AGPS: variants seen among roughly 807,000 people sequenced by gnomAD.
AGPS encodes the protein alkyldihydroxyacetonephosphate synthase, peroxisomal.
In AGPS, 26 loss-of-function variants were observed where a neutral mutation model predicts 90.7. The observed-to-expected ratio is 0.29, with a 90% CI of 0.21 to 0.40. The LOEUF (loss-of-function observed/expected upper bound fraction) is 0.40. Among genes scored for constraint, AGPS ranks in the 10% least tolerant of loss-of-function variants. AGPS has a pLI of 1.00. For synonymous variants in AGPS, 294 were observed against 285.3 expected, an observed-to-expected ratio of 1.03 and a Z score of -0.31; for missense variants, 540 against 816.1, an observed-to-expected ratio of 0.66 and a Z score of 4.12.
chr2:177,415,898 G>A (rs1281257336), intron 1 of AGPS, among the ~76,000 whole-genome samples: 2 of 152,068 alleles, frequency 1.3e-5, no homozygotes, highest in African/African-American at 2.4e-5. Flanking sequence ...ATCAGGGCAA[G>A]AGGAAATATT....
intron 10 of AGPS, among the ~76,000 whole-genome samples, chr2:177,469,339 G>C (rs1687544010): frequency 6.6e-6 from 1 of 152,120 alleles, no homozygotes; most frequent in South Asian, 2.1e-4. Flanking sequence ...ATGAATAAAA[G>C]AGCAGGTACA....
At chr2:177,471,811 T>C (rs1687631938) in intron 10 of AGPS, among the ~76,000 whole-genome samples, 2 of 152,190 alleles carry the variant, frequency 1.3e-5, no homozygotes, top group Non-Finnish European at 2.9e-5. Context: ...TGAGTGAATA[T>C]ACCTTTTGGT....
At chr2:177,475,022 T>A (rs1381199074) in intron 10 of AGPS, among the ~76,000 whole-genome samples, 7 of 152,236 alleles carry the variant, frequency 4.6e-5, no homozygotes. Context: ...AATTTCAATC[T>A]TGTGAGTTTT....
At position 177,465,731 on chromosome 2, in the gene AGPS, GCCAGGGACTGCAGAGCC is replaced by G. The variant is rs1456550724; in HGVS notation, c.997-2681_997-2665del. On this transcript the variant is annotated intron_variant, in intron 9 of 19. Transcript: ENST00000264167. Reference sequence around the variant, plus strand: ...TGGTGGTGCCTGGAAGCTTGGAGACGCCAGGGACTGCAGAGCCCCAAAGAGTGAGCCATAGCCCTGGC... The same window carrying G: ...TGGTGGTGCCTGGAAGCTTGGAGACGCCAAAGAGTGAGCCATAGCCCTGGC... Among the ~76,000 whole-genome samples the G allele has an allele frequency of 2.6e-5, 4 of 152,232 alleles. No homozygotes were observed. In the East Asian group the frequency reaches 7.7e-4, roughly 29 times the overall value.
At chr2:177,533,124 G>C (rs1278765961) in intron 19 of AGPS, among the ~76,000 whole-genome samples, 2 of 152,136 alleles carry the variant, frequency 1.3e-5, no homozygotes, top group Admixed American at 1.3e-4. Context: ...ATTACTATAA[G>C]ATAGAAAATT....
At position 177,539,088 on chromosome 2, in the gene AGPS, C is replaced by T. The variant is rs564010429; in HGVS notation, c.*893C>T. On this transcript the variant is annotated 3_prime_UTR_variant, in exon 20 of 20. Coordinates refer to ENST00000264167, the MANE Select transcript of AGPS (RefSeq NM_003659.4). ...AGGAAAACTCTTAGACTTAATGTCTCCAATTGCAAGAATTGTTTCACTAAA... is the reference window on the plus strand; with the variant it reads ...AGGAAAACTCTTAGACTTAATGTCTTCAATTGCAAGAATTGTTTCACTAAA... 6.6e-6 allele frequency: 1 copy of T among 152,088 alleles called. No individual in the cohort carries two copies. The highest frequency in any genetic ancestry group is 6.6e-5 in the Admixed American group (1 of 15,256). 9.4% of individuals were successfully genotyped at this position (152,088 alleles called of 1,614,324 possible). A position where few individuals can be genotyped will look rare whatever the true frequency, so the allele number is the denominator to read the frequency against.
intron 12 of AGPS, among the ~76,000 whole-genome samples, chr2:177,497,425 T>C (rs186587494): frequency 5.9e-5 from 9 of 151,918 alleles, no homozygotes; most frequent in Non-Finnish European, 1.2e-4. Context: ...TAATTACATA[T>C]AGTGATTTGA....
chr2:177,466,064 A>T (rs1295477209), intron 9 of AGPS, among the ~76,000 whole-genome samples: 1 of 152,220 alleles, frequency 6.6e-6, no homozygotes, highest in Non-Finnish European at 1.5e-5. Context: ...TTCCGCAGGT[A>T]GGCCATCCTG....
intron 2 of AGPS, among the ~76,000 whole-genome samples, chr2:177,430,859 A>G (rs1054774152): frequency 6.6e-6 from 1 of 152,160 alleles, no homozygotes; most frequent in Non-Finnish European, 1.5e-5. Context: ...TTTTGACTTT[A>G]TGGGTATTAT....
intron 4 of AGPS, 39 bp from the exon 5 acceptor site, chr2:177,436,941 G>C: frequency 6.2e-7 from 1 of 1,610,836 alleles, no homozygotes; most frequent in South Asian, 1.1e-5. Context: ...TATATTTTAA[G>C]CTGTTTTTGT....
intron 8 of AGPS, among the ~76,000 whole-genome samples, chr2:177,449,527 A>G (rs765254092): frequency 2.0e-5 from 3 of 152,126 alleles, no homozygotes; most frequent in Non-Finnish European, 2.9e-5. Context: ...GGGCTTAGGC[A>G]ATCCTCCCAC....
chr2:177,468,142 T>C (rs1224836541), intron 9 of AGPS, among the ~76,000 whole-genome samples: 1 of 152,126 alleles, frequency 6.6e-6, no homozygotes, highest in Non-Finnish European at 1.5e-5. Flanking sequence ...TAAATAAATG[T>C]GTTATTCTGT....
At chr2:177,420,051 G>T (rs1685901789) in intron 1 of AGPS, among the ~76,000 whole-genome samples, 3 of 151,748 alleles carry the variant, frequency 2.0e-5, no homozygotes, top group Non-Finnish European at 4.4e-5. Flanking sequence ...TTTATTGGTT[G>T]TAGCCCTCTG....
chr2:177,448,123 A>G (rs1183454713), intron 8 of AGPS, among the ~76,000 whole-genome samples: 1 of 151,648 alleles, frequency 6.6e-6, no homozygotes, highest in East Asian at 1.9e-4. Context: ...ATAACCTCAC[A>G]TTATCTTTCT....
chr2:177,396,185 C>T (rs998685025), intron 1 of AGPS, among the ~76,000 whole-genome samples: 10 of 152,014 alleles, frequency 6.6e-5, no homozygotes, highest in Non-Finnish European at 8.8e-5. Context: ...CAGCATATGA[C>T]AAAGCAAGGG....
At chr2:177,487,958 T>C (rs2105699919) in intron 11 of AGPS, among the ~76,000 whole-genome samples, 1 of 152,280 alleles carries the variant, frequency 6.6e-6, no homozygotes, top group Non-Finnish European at 1.5e-5. Context: ...ATTATTTTAT[T>C]CTTTAAAACC....
At chr2:177,485,404 A>G (rs1207024169) in intron 11 of AGPS, among the ~76,000 whole-genome samples, 1 of 152,208 alleles carries the variant, frequency 6.6e-6, no homozygotes, top group Admixed American at 6.5e-5. Flanking sequence ...TTGATTTCCA[A>G]CATTTCCGCC....
At chr2:177,533,310 T>C (rs2079154237) in intron 19 of AGPS, among the ~76,000 whole-genome samples, 1 of 152,198 alleles carries the variant, frequency 6.6e-6, no homozygotes, top group Non-Finnish European at 1.5e-5. Flanking sequence ...ATTTCAGCTG[T>C]AGCATAGGTT....
intron 1 of AGPS, 26 bp downstream of exon 1, chr2:177,393,075 T>TA (rs1477005453): frequency 5.2e-6 from 8 of 1,550,160 alleles, no homozygotes; most frequent in Middle Eastern, 1.7e-4. Context: ...TGGAAGGAGT[T>TA]AGCGTCGAGG....
Sources: allele counts gnomAD v4.1 joint callset (sites outside exome capture counted in the v4.1 genomes callset), GRCh38; gene constraint gnomAD v4.1.1; transcripts MANE v1.5; gene names NCBI Gene and HGNC (gene_info 2026-07-23, HGNC 2026-07-21).